Variants in ARIH1 observed in about 807,000 individuals in gnomAD.
ARIH1 encodes E3 ubiquitin-protein ligase ARIH1.
Under a neutral mutation model 85.0 loss-of-function variants are expected in ARIH1, and 8 were observed. That is an observed-to-expected ratio of 0.09 (90% CI 0.06 to 0.17). The LOEUF (loss-of-function observed/expected upper bound fraction) is 0.17. Among genes scored for constraint, ARIH1 ranks in the 10% least tolerant of loss-of-function variants. ARIH1 has a pLI of 1.00. For missense variants in ARIH1, 311 were observed against 718.1 expected (o/e 0.43, Z 6.48); for synonymous variants, 238 against 253.6 (o/e 0.94, Z 0.59).
At chr15:72,518,786 CAAA>C (rs1207137942) in intron 2 of ARIH1, among the ~76,000 whole-genome samples, 9 of 92,176 alleles carry the variant, frequency 9.8e-5, no homozygotes, top group Admixed American at 1.1e-4. Flanking sequence ...GACTCTATCT[CAAA>C]AAAAAAAAAA....
At chr15:72,546,017 T>C (rs1165894971) in intron 3 of ARIH1, among the ~76,000 whole-genome samples, 14 of 152,186 alleles carry the variant, frequency 9.2e-5, no homozygotes, top group Admixed American at 9.2e-4. Flanking sequence ...TAACAAGTCT[T>C]TGACACTGTT....
rs1329077441 is a variant in ARIH1 at position 72,474,386 on chromosome 15, C to G, written c.-254C>G. On this transcript the variant is annotated 5_prime_UTR_variant, in exon 1 of 14. Transcript: ENST00000379887. ...TTGGGGACTGTTTTCTCTCGGAGGC[C>G]GGAGCGGAGCCGCGTCTGACTGAGG... is the stretch of plus-strand genomic sequence containing the variant. 2.0e-6 allele frequency: 1 copy of G among 506,562 alleles called. No individual in the cohort carries two copies. The highest frequency in any genetic ancestry group is 3.5e-6 in the Non-Finnish European group (1 of 288,336). The allele number at this position is 506,562 out of a possible 1,614,324, so 31.4% of individuals were successfully genotyped here.
chr15:72,495,446 G>A (rs1595852162), intron 1 of ARIH1, among the ~76,000 whole-genome samples: 1 of 151,942 alleles, frequency 6.6e-6, no homozygotes, highest in Non-Finnish European at 1.5e-5. Flanking sequence ...TTCTTCTTTT[G>A]GTCAAGGATC....
intron 1 of ARIH1, among the ~76,000 whole-genome samples, chr15:72,481,384 G>T (rs2063816110): frequency 6.6e-6 from 1 of 152,072 alleles, no homozygotes; most frequent in African/African-American, 2.4e-5. Context: ...TACAGAGGTG[G>T]GTTAATGAGG....
chr15:72,570,426 G>T, intron 10 of ARIH1, 119 bp downstream of exon 10: 1 of 1,242,566 alleles, frequency 8.0e-7, no homozygotes, highest in Non-Finnish European at 1.1e-6. Context: ...AATACATAGT[G>T]TGTGATTAAT....
At chr15:72,554,267 A>G (rs565201073) in intron 3 of ARIH1, among the ~76,000 whole-genome samples, 121 of 152,268 alleles carry the variant, frequency 7.9e-4, no homozygotes, top group Middle Eastern at 3.4e-3. Context: ...TGGTAACTCT[A>G]TGTTTAATAT....
rs1382522911 is a variant in ARIH1 at position 72,591,082 on chromosome 15, CATG to C, written c.*7791_*7793del. On this transcript the variant is annotated 3_prime_UTR_variant, in exon 14 of 14. Coordinates refer to ENST00000379887, the MANE Select transcript of ARIH1 (RefSeq NM_005744.5). ...ACTAAAAATACAAAAATTAGCCAGGCATGGTGGTGCATGCCTGTAATTCCAGCT... is the reference window on the plus strand; with the variant it reads ...ACTAAAAATACAAAAATTAGCCAGGCGTGGTGCATGCCTGTAATTCCAGCT... The C allele has an allele frequency of 6.6e-6, 1 of 151,644 alleles. No homozygotes were observed. The highest frequency in any genetic ancestry group is 1.5e-5 in the Non-Finnish European group (1 of 67,928). The allele number at this position is 151,644 out of a possible 1,614,324, so 9.4% of individuals were successfully genotyped here.
chr15:72,578,457 C>T (rs545330982), intron 11 of ARIH1, among the ~76,000 whole-genome samples: 23 of 152,168 alleles, frequency 1.5e-4, no homozygotes, highest in South Asian at 1.4e-3. Flanking sequence ...GTACCATATA[C>T]GGTCTGTAAG....
At chr15:72,496,823 A>AGT in intron 1 of ARIH1, 4 of 985,474 alleles carry the variant, frequency 4.1e-6, no homozygotes, top group Non-Finnish European at 4.8e-6. Context: ...GTATGAATTC[A>AGT]GTGATGCAAA....
chr15:72,543,224 C>CGCG (rs894716279), intron 2 of ARIH1, among the ~76,000 whole-genome samples: 1 of 151,700 alleles, frequency 6.6e-6, no homozygotes, highest in Non-Finnish European at 1.5e-5. Flanking sequence ...TGTGAGCCAC[C>CGCG]GCGGCGCCTG....
chr15:72,555,454 G>A, intron 4 of ARIH1, 91 bp downstream of exon 4: 2 of 841,762 alleles, frequency 2.4e-6, no homozygotes, highest in South Asian at 3.3e-5. Flanking sequence ...AACAGGTGAA[G>A]CTTTATGTGT....
chr15:72,487,188 A>G (rs1241636972), intron 1 of ARIH1, among the ~76,000 whole-genome samples: 1 of 152,178 alleles, frequency 6.6e-6, no homozygotes, highest in East Asian at 1.9e-4. Context: ...GGCAAAAAAC[A>G]GAGCAGGTAA....
At chr15:72,570,390 T>C (rs762584913) in intron 10 of ARIH1, 83 bp downstream of exon 10, 75 of 1,533,192 alleles carry the variant, frequency 4.9e-5, no homozygotes, top group Non-Finnish European at 6.4e-5. Flanking sequence ...CTCATAGATA[T>C]CACCATCTAA....
intron 6 of ARIH1, among the ~76,000 whole-genome samples, chr15:72,562,374 G>A (rs1000046621): frequency 2.0e-5 from 3 of 152,114 alleles, no homozygotes; most frequent in Admixed American, 1.3e-4. Context: ...TTCAGCCCCT[G>A]TATGACAACA....
chr15:72,591,367 T>C lies in ARIH1; in HGVS notation c.*8075T>C, dbSNP rs902598925. The C allele has an allele frequency of 1.3e-5, 2 of 152,204 alleles. No individual in the cohort carries two copies. Among genetic ancestry groups the C allele is most frequent in the African/African-American group, 4.8e-5 (2 of 41,430 alleles). 9.4% of individuals were successfully genotyped at this position (152,204 alleles called of 1,614,324 possible). On this transcript the variant is annotated 3_prime_UTR_variant, in exon 14 of 14. Transcript: ENST00000379887. ...CCTTCTGATAGCTAAAATTTGTTTC[T>C]GTATAACAGAGTAGTGCCCTATAAG... is the stretch of plus-strand genomic sequence containing the variant.
Position 72,572,132 on chromosome 15 carries a change from G to T in ARIH1, c.1182G>T (p.Glu394Asp). 6.2e-7 allele frequency: 1 copy of T among 1,610,192 alleles called. No individual in the cohort carries two copies. Among genetic ancestry groups the T allele is most frequent in the Non-Finnish European group, 8.5e-7 (1 of 1,177,294 alleles). The change falls in exon 11 of 14, where the codon GAG becomes GAT. Residue 394 changes from glutamate (E) to aspartate (D), a missense_variant. Coordinates refer to ENST00000379887, the MANE Select transcript of ARIH1 (RefSeq NM_005744.5). ...SAWYNCNRYN[E>D]DDAKAARDAQ... The stretch of plus-strand genomic sequence containing the variant: ...GGTACAACTGTAACCGCTATAATGA[G>T]GATGATGCAAAGGCAGCAAGAGATG...
At chr15:72,508,997 T>TC (rs1246782077) in intron 1 of ARIH1, among the ~76,000 whole-genome samples, 3 of 149,344 alleles carry the variant, frequency 2.0e-5, no homozygotes, top group African/African-American at 7.4e-5. Context: ...CCTGGCCCTT[T>TC]TTTTTTTTTT....
rs1220982004 is a variant in ARIH1, at chr15:72,587,378, C to CT, written c.*4087dup. The CT allele has an allele frequency of 7.2e-6, 3 of 419,272 alleles. No individual in the cohort carries two copies. The highest frequency in any genetic ancestry group is 6.2e-5 in the African/African-American group (3 of 48,528). The allele number at this position is 419,272 out of a possible 1,614,324, so 26.0% of individuals were successfully genotyped here. A position where few individuals can be genotyped will look rare whatever the true frequency, so the allele number is the denominator to read the frequency against. ...ATCACTGCTACTGTTAGAGGTTGCTCTATACTATCTCTGATCTTTCATTTG... is the reference window on the plus strand; with the variant it reads ...ATCACTGCTACTGTTAGAGGTTGCTCTTATACTATCTCTGATCTTTCATTTG... On this transcript the variant is annotated 3_prime_UTR_variant, in exon 14 of 14. Coordinates refer to ENST00000379887, the MANE Select transcript of ARIH1 (RefSeq NM_005744.5).
chr15:72,503,105 C>T (rs537495377), intron 1 of ARIH1, among the ~76,000 whole-genome samples: 13 of 152,198 alleles, frequency 8.5e-5, no homozygotes, highest in Admixed American at 7.9e-4. Flanking sequence ...GTCTAGAAGG[C>T]CAAAAACTAT....
Sources: gnomAD v4.1 joint callset for allele counts (sites outside exome capture counted in the v4.1 genomes callset) on GRCh38, gnomAD v4.1.1 for gene constraint, MANE v1.5 for transcripts, NCBI Gene and HGNC (gene_info 2026-07-23, HGNC 2026-07-21) for gene names.